AKNA: variants seen among roughly 807,000 people sequenced by gnomAD.
AKNA encodes the protein microtubule organization protein AKNA.
A neutral mutation model predicts 138.8 loss-of-function variants in AKNA; 67 were observed. The observed-to-expected ratio is 0.48, with a 90% CI of 0.40 to 0.59. The LOEUF (loss-of-function observed/expected upper bound fraction) is 0.59, where lower values mean the gene tolerates loss of function less well. AKNA is among the 20% of genes least tolerant of loss of function. The probability of loss-of-function intolerance (pLI) is 0.00; values close to 1 mark genes in which losing one functional copy is unlikely to be tolerated. For missense variants in AKNA, 1,813 were observed against 1,880.4 expected (o/e 0.96, Z 0.66); for synonymous variants, 737 against 754.4 (o/e 0.98, Z 0.38).
rs200033899 is a variant in AKNA at position 114,356,108 on chromosome 9, C to T, written c.2875G>A (p.Ala959Thr). ...STAGTLAQPF[A>T]ASVPRDGASY... ...GCTCCATCCCTGGGCACAGATGCAGCAAAGGGCTGGGCTAATGTTCCTGCT... is the reference window on the plus strand; with the variant it reads ...GCTCCATCCCTGGGCACAGATGCAGTAAAGGGCTGGGCTAATGTTCCTGCT... The change falls in exon 14 of 22, where the codon GCT becomes ACT. Residue 959 changes from alanine (A) to threonine (T), a missense_variant. Coordinates refer to ENST00000374088, the MANE Select transcript of AKNA (RefSeq NM_001317950.2). 1.2e-6 allele frequency: 2 copies of T among 1,613,976 alleles called. No homozygotes were observed. The highest frequency in any genetic ancestry group is 1.7e-5 in the Admixed American group (1 of 60,016).
At position 114,376,773 on chromosome 9, in the gene AKNA, T is replaced by C. The variant is rs140509220; in HGVS notation, c.1034A>G (p.Asn345Ser). 108 of 1,612,642 alleles carry C rather than the reference T, an allele frequency of 6.7e-5. No individual in the cohort carries two copies. The East Asian group carries it at 1.1e-3, about 16-fold the overall frequency. Residue 345 changes from asparagine (N) to serine (S), a missense_variant, in exon 3 of 22, where the codon AAT becomes AGT. By Grantham distance (46) the Asn-to-Ser change is conservative (BLOSUM62 1). Coordinates refer to ENST00000374088, the MANE Select transcript of AKNA (RefSeq NM_001317950.2). ...CTGCCCCCGGCCATACTTGGGGGCA[T>C]TAGAAGAGGAGCGGCCAGCCAGAGT... ...GATLAGRSSSNAPKYGRGQLN... is the reference protein window; with the variant it reads ...GATLAGRSSSSAPKYGRGQLN...
intron 4 of AKNA, among the ~76,000 whole-genome samples, chr9:114,369,233 C>A (rs1453903116): frequency 6.6e-6 from 1 of 152,156 alleles, no homozygotes; most frequent in Non-Finnish European, 1.5e-5. Flanking sequence ...AGGAAGGCCT[C>A]TTGAAGCTGG....
chr9:114,385,134 A>G (rs1833940885), intron 1 of AKNA, among the ~76,000 whole-genome samples: 1 of 152,196 alleles, frequency 6.6e-6, no homozygotes, highest in African/African-American at 2.4e-5. Context: ...GATTACAAGC[A>G]TGAGCCACCC....
downstream of AKNA, chr9:114,330,744 C>G (rs116608376): frequency 4.5e-5 from 73 of 1,605,156 alleles, no homozygotes; most frequent in Non-Finnish European, 6.2e-5. Flanking sequence ...TTGGCCACTT[C>G]TCCTCGATAA....
intron 21 of AKNA, 105 bp from the exon 22 acceptor site, chr9:114,337,411 G>C (rs2131749626): frequency 8.2e-7 from 1 of 1,216,710 alleles, no homozygotes. Flanking sequence ...AGCTGGGCCA[G>C]TGGCTCCTAC....
intron 15 of AKNA, 79 bp downstream of exon 15, chr9:114,350,780 C>T: frequency 6.9e-7 from 1 of 1,455,460 alleles, no homozygotes; most frequent in Non-Finnish European, 9.2e-7. Context: ...AGGTCTCCAC[C>T]TCCACCTGCT....
chr9:114,379,666 T>C (rs113430138), intron 2 of AKNA, among the ~76,000 whole-genome samples: 4,120 of 152,294 alleles, frequency 0.027, 66 homozygotes, highest in Non-Finnish European at 0.042. Flanking sequence ...AGTTACCATA[T>C]ATTCAGCTCT....
intron 4 of AKNA, among the ~76,000 whole-genome samples, chr9:114,369,527 T>C (rs1354113214): frequency 5.9e-5 from 9 of 152,134 alleles, no homozygotes; most frequent in Admixed American, 5.9e-4. Flanking sequence ...CTGTCTAGGC[T>C]CTACCACAGC....
intron 18 of AKNA, 193 bp downstream of exon 18, chr9:114,345,670 T>C: frequency 1.8e-6 from 1 of 555,056 alleles, no homozygotes; most frequent in Non-Finnish European, 3.1e-6. Context: ...GCTGAATGAA[T>C]GAATGAATGA....
At chr9:114,361,614 T>A in intron 9 of AKNA, 90 bp downstream of exon 9, 1 of 1,445,748 alleles carries the variant, frequency 6.9e-7, no homozygotes, top group Non-Finnish European at 9.7e-7. Context: ...GGCACACACT[T>A]CATAAATATG....
chr9:114,377,662 G>A (rs770749266), intron 2 of AKNA, 130 bp from the exon 3 acceptor site: 43 of 978,174 alleles, frequency 4.4e-5, no homozygotes, highest in Non-Finnish European at 6.2e-5. Context: ...TCCCAAGGTG[G>A]TGGTAGACTT....
chr9:114,356,201 T>C (rs745788057), intron 13 of AKNA, 65 bp from the exon 14 acceptor site: 53 of 1,477,164 alleles, frequency 3.6e-5, no homozygotes, highest in Non-Finnish European at 4.5e-5. Flanking sequence ...GGCGGCAGCA[T>C]CTGAGCCCCT....
chr9:114,347,854 G>A lies in AKNA; in HGVS notation c.3268C>T (p.Arg1090Trp), dbSNP rs561485696. 47 of 1,550,336 alleles carry A rather than the reference G, an allele frequency of 3.0e-5. No individual in the cohort carries two copies. The South Asian group carries it at 4.4e-4, about 15-fold the overall frequency. ...GGCTGGTGCAGGCTGTCTTCCAGCCGCAGACGAAGCCGGGACACCTCTTCT... is the reference window on the plus strand; with the variant it reads ...GGCTGGTGCAGGCTGTCTTCCAGCCACAGACGAAGCCGGGACACCTCTTCT... ...LQEEVSRLRL[R>W]LEDSLHQPLQ... is the part of the protein sequence containing the mutation. The change falls in exon 16 of 22, where the codon CGG becomes TGG. Residue 1090 changes from arginine (R) to tryptophan (W), a missense_variant. Physicochemically the swap from Arg to Trp is moderately radical, Grantham distance 101. Coordinates refer to ENST00000374088, the MANE Select transcript of AKNA (RefSeq NM_001317950.2).
chr9:114,380,893 G>T (rs1344453134), intron 2 of AKNA, among the ~76,000 whole-genome samples, 167 bp downstream of exon 2: 1 of 148,868 alleles, frequency 6.7e-6, no homozygotes, highest in Non-Finnish European at 1.5e-5. Flanking sequence ...TGAGGCAAGA[G>T]AATCGCTTGA....
rs1250113660 is a variant in AKNA, at chr9:114,335,092, A to G, written c.*1962T>C. ...ACCATACTCAGGAGGATCCGCTGAAAAATGAAACAGAAATGAGTCATGATG... is the reference window on the plus strand; with the variant it reads ...ACCATACTCAGGAGGATCCGCTGAAGAATGAAACAGAAATGAGTCATGATG... On this transcript the variant is annotated 3_prime_UTR_variant, in exon 22 of 22. Coordinates refer to ENST00000374088, the MANE Select transcript of AKNA (RefSeq NM_001317950.2). 6.6e-6 allele frequency: 1 copy of G among 152,292 alleles called. No individual in the cohort carries two copies. The highest frequency in any genetic ancestry group is 1.5e-5 in the Non-Finnish European group (1 of 68,048). 9.4% of individuals were successfully genotyped at this position (152,292 alleles called of 1,614,324 possible). A position where few individuals can be genotyped will look rare whatever the true frequency, so the allele number is the denominator to read the frequency against.
At chr9:114,397,859 C>A (rs977335844), upstream of AKNA, among the ~76,000 whole-genome samples, 3 of 152,230 alleles carry the variant, frequency 2.0e-5, no homozygotes, top group Non-Finnish European at 2.9e-5. Flanking sequence ...ACCTTCCCCC[C>A]CGCGACAAAA....
chr9:114,356,150 G>A lies in AKNA; in HGVS notation c.2847-14C>T. ...GTTCCTGCTGTGCTGGGGGACCGTG[G>A]AGGAAGGGACACACAGGGGTCACAC... On this transcript the variant is annotated splice_polypyrimidine_tract_variant and intron_variant, in intron 13 of 21. Transcript: ENST00000374088. The A allele has an allele frequency of 6.2e-7, 1 of 1,607,906 alleles. No homozygotes were observed. The highest frequency in any genetic ancestry group is 8.5e-7 in the Non-Finnish European group (1 of 1,176,234).
intron 14 of AKNA, among the ~76,000 whole-genome samples, chr9:114,353,905 C>G (rs959059091): frequency 5.3e-5 from 8 of 152,172 alleles, no homozygotes; most frequent in African/African-American, 1.4e-4. Context: ...CTGGGTGAGT[C>G]AGTGAGTGAG....
intron 2 of AKNA, among the ~76,000 whole-genome samples, chr9:114,380,790 A>G (rs1452318477): frequency 3.4e-5 from 5 of 148,712 alleles, no homozygotes; most frequent in African/African-American, 7.6e-5. Flanking sequence ...CCTGGCCAAC[A>G]TGGTGAAACC....
Sources: gnomAD v4.1 joint callset for allele counts (sites outside exome capture counted in the v4.1 genomes callset) on GRCh38, gnomAD v4.1.1 for gene constraint, MANE v1.5 for transcripts, NCBI Gene and HGNC (gene_info 2026-07-23, HGNC 2026-07-21) for gene names.